The following NCAPG2 variants were observed in gnomAD, a reference collection of about 807,000 sequenced individuals.
NCAPG2 encodes condensin-2 complex subunit G2.
A neutral mutation model predicts 141.1 loss-of-function variants in NCAPG2; 53 were observed. That is an observed-to-expected ratio of 0.38 (90% CI 0.30 to 0.47). NCAPG2 has a LOEUF of 0.47. Among genes scored for constraint, NCAPG2 ranks in the 20% least tolerant of loss-of-function variants. NCAPG2 has a pLI of 0.99. For synonymous variants in NCAPG2, 499 were observed against 490.7 expected (o/e 1.02, Z -0.22); for missense variants, 1,087 against 1,389.0 (o/e 0.78, Z 3.46).
chr7:158,632,746 G>A (rs940359582), intron 27 of NCAPG2, among the ~76,000 whole-genome samples: 1 of 152,068 alleles, frequency 6.6e-6, no homozygotes, highest in South Asian at 2.1e-4. Context: ...CAGGTCAAAG[G>A]GTACAATGGA....
chr7:158,668,966 A>G (rs758279905), intron 13 of NCAPG2, among the ~76,000 whole-genome samples: 2 of 152,056 alleles, frequency 1.3e-5, no homozygotes, highest in Non-Finnish European at 2.9e-5. Context: ...GTTCCCCACC[A>G]TGTGTCCACG....
chr7:158,655,015 A>C, intron 21 of NCAPG2, 103 bp downstream of exon 21: 1 of 1,390,370 alleles, frequency 7.2e-7, no homozygotes, highest in Non-Finnish European at 9.6e-7. Context: ...GTTTTTAAGA[A>C]TAACACTAAT....
intron 12 of NCAPG2, among the ~76,000 whole-genome samples, chr7:158,675,255 T>C (rs1161929760): frequency 6.6e-6 from 1 of 152,178 alleles, no homozygotes; most frequent in Non-Finnish European, 1.5e-5. Flanking sequence ...CTGGGACCCC[T>C]TCCCCCCTTA....
chr7:158,632,080 A>T (rs1335128951), intron 27 of NCAPG2, among the ~76,000 whole-genome samples: 6 of 152,222 alleles, frequency 3.9e-5, no homozygotes. Context: ...AGAAAACAAG[A>T]TAAATAAAAA....
intron 27 of NCAPG2, among the ~76,000 whole-genome samples, chr7:158,634,520 G>A (rs553815013): frequency 6.6e-6 from 1 of 152,180 alleles, no homozygotes; most frequent in East Asian, 1.9e-4. Context: ...TTGGATTTAC[G>A]AACGTGGAAC....
chr7:158,654,128 C>T (rs970656777), intron 22 of NCAPG2, among the ~76,000 whole-genome samples: 6 of 152,192 alleles, frequency 3.9e-5, no homozygotes, highest in African/African-American at 1.4e-4. Flanking sequence ...GAGGGCTGTC[C>T]TCTCACTCAC....
At chr7:158,682,810 G>T (rs1290163011) in intron 9 of NCAPG2, among the ~76,000 whole-genome samples, 1 of 152,118 alleles carries the variant, frequency 6.6e-6, no homozygotes, top group Non-Finnish European at 1.5e-5. Context: ...TATCTAGTCA[G>T]TCCATTTACA....
Position 158,658,370 on chromosome 7 carries a change from G to C in NCAPG2, c.2028C>G (p.Ser676=). The change falls in exon 17 of 28, where the codon TCC becomes TCG. Residue 676 remains serine, a synonymous_variant. Transcript: ENST00000356309. ...RCKIPLFMLM[S]FMPASAVPPF... is the part of the protein sequence containing the mutation. ...GGGGGACAGCAGAGGCCGGCATAAAGGACATTAGCATGAATAAAGGGATCT... is the reference window on the plus strand; with the variant it reads ...GGGGGACAGCAGAGGCCGGCATAAACGACATTAGCATGAATAAAGGGATCT... 6.2e-7 allele frequency: 1 copy of C among 1,612,274 alleles called. No homozygotes were observed. Among genetic ancestry groups the C allele is most frequent in the Non-Finnish European group, 8.5e-7 (1 of 1,179,120 alleles).
chr7:158,693,303 T>C lies in NCAPG2; in HGVS notation c.267+6A>G. On this transcript the variant is annotated splice_donor_region_variant and intron_variant, in intron 3 of 27. Transcript: ENST00000356309. ...ACGTTTCTTATTTTTGAAAAACAAA[T>C]ACTACCATTTTTGAGCCATGTTCGG... is the stretch of plus-strand genomic sequence containing the variant. 6.3e-7 allele frequency: 1 copy of C among 1,596,338 alleles called. No individual in the cohort carries two copies. Among genetic ancestry groups the C allele is most frequent in the Non-Finnish European group, 8.5e-7 (1 of 1,176,046 alleles).
intron 11 of NCAPG2, among the ~76,000 whole-genome samples, chr7:158,678,245 C>T (rs957761707): frequency 2.0e-5 from 3 of 152,166 alleles, no homozygotes; most frequent in African/African-American, 7.2e-5. Context: ...AGATCACCTC[C>T]TTTGTCTCCT....
chr7:158,666,308 CG>C (rs1412633045), intron 13 of NCAPG2, among the ~76,000 whole-genome samples: 3 of 152,160 alleles, frequency 2.0e-5, no homozygotes, highest in Non-Finnish European at 4.4e-5. Flanking sequence ...CCAGCCCCAA[CG>C]GGTGGTTACT....
intron 6 of NCAPG2, among the ~76,000 whole-genome samples, chr7:158,688,641 T>C (rs1323937507): frequency 6.6e-6 from 1 of 152,212 alleles, no homozygotes; most frequent in African/African-American, 2.4e-5. Context: ...GTTTGATACA[T>C]ATTACCTCAT....
chr7:158,658,203 G>T, intron 17 of NCAPG2, 135 bp downstream of exon 17: 1 of 617,508 alleles, frequency 1.6e-6, no homozygotes, highest in Non-Finnish European at 2.5e-6. Context: ...ACCACAGGGA[G>T]AGGGAAGGGC....
intron 27 of NCAPG2, among the ~76,000 whole-genome samples, chr7:158,643,962 T>C (rs548393643): frequency 6.6e-6 from 1 of 152,338 alleles, no homozygotes; most frequent in East Asian, 1.9e-4. Context: ...GTGTCTATCC[T>C]TGGGAAACGC....
chr7:158,667,377 C>CCCTTACCCACTACTGGGTCCCTCCGCCCG (rs1833110405), intron 13 of NCAPG2: 1 of 66,590 alleles, frequency 1.5e-5, no homozygotes, highest in African/African-American at 2.0e-4. Context: ...CCTCCGCCCC[C>CCCTTACCCACTACTGGGTCCCTCCGCCCG]CCTTACCCAC....
At chr7:158,696,230 TTG>T (rs762879266) in intron 2 of NCAPG2, 2 of 152,220 alleles carry the variant, frequency 1.3e-5, no homozygotes, top group African/African-American at 2.4e-5. Flanking sequence ...CCTCCAGCCT[TTG>T]TGTGTGGTCT....
chr7:158,655,744 C>CG (rs1554554678), intron 19 of NCAPG2, among the ~76,000 whole-genome samples: 1 of 151,532 alleles, frequency 6.6e-6, no homozygotes, highest in African/African-American at 2.4e-5. Context: ...CCCCATCTGC[C>CG]TGGCTCCACT....
intron 11 of NCAPG2, among the ~76,000 whole-genome samples, chr7:158,677,177 C>G (rs1396550568): frequency 3.9e-5 from 6 of 152,112 alleles, no homozygotes; most frequent in Non-Finnish European, 7.4e-5. Flanking sequence ...GGAAGAGATA[C>G]TGGGCAACAG....
rs570427645 is a variant in NCAPG2, at chr7:158,657,210, T to G, written c.2061-505A>C. Among the ~76,000 whole-genome samples the G allele has an allele frequency of 4.6e-5, 7 of 152,322 alleles. No homozygotes were observed. The South Asian group carries it at 1.4e-3, about 32-fold the overall frequency. ...ACAAAGAGAAACAGGTAAAACTAAT[T>G]TCAATAACATAATCTTATTTAATCT... On this transcript the variant is annotated intron_variant, in intron 17 of 27. Coordinates refer to ENST00000356309, the MANE Select transcript of NCAPG2 (RefSeq NM_017760.7).
Sources: allele counts gnomAD v4.1 joint callset (sites outside exome capture counted in the v4.1 genomes callset), GRCh38; gene constraint gnomAD v4.1.1; transcripts MANE v1.5; gene names NCBI Gene and HGNC (gene_info 2026-07-23, HGNC 2026-07-21).